The following CHD1 variants were observed in gnomAD, a reference collection of about 807,000 sequenced individuals.
CHD1 encodes the protein chromodomain helicase DNA binding protein 1, also known as ATP-dependent chromatin remodeler CHD1.
Under a neutral mutation model 224.2 loss-of-function variants are expected in CHD1, and 36 were observed. The ratio of observed to expected loss-of-function variants is 0.16; its 90% CI spans 0.12 to 0.21. The LOEUF (loss-of-function observed/expected upper bound fraction) is 0.21, where lower values mean the gene tolerates loss of function less well. Among genes scored for constraint, CHD1 ranks in the 10% least tolerant of loss-of-function variants. The probability of loss-of-function intolerance (pLI) is 1.00; values close to 1 mark genes in which losing one functional copy is unlikely to be tolerated. For missense variants in CHD1, 1,378 were observed against 1,994.8 expected (o/e 0.69, Z 5.89); for synonymous variants, 668 against 658.3 (o/e 1.01, Z -0.23).
At chr5:98,925,544 A>G (rs1413545967) in intron 2 of CHD1, among the ~76,000 whole-genome samples, 1 of 152,216 alleles carries the variant, frequency 6.6e-6, no homozygotes. Context: ...CAGTGCCCAC[A>G]TTCCTAATTT....
At position 98,883,214 on chromosome 5, in the gene CHD1, T is replaced by C; in HGVS notation, c.2592A>G (p.Thr864=). The change falls in exon 19 of 36, where the codon ACA becomes ACG. Residue 864 remains threonine (T), a synonymous_variant. Coordinates refer to ENST00000614616, the MANE Select transcript of CHD1 (RefSeq NM_001270.4). ...GSEDFCFLLS[T]RAGGLGINLA... ...AATTAATCCCTAGACCTCCAGCTCT[T>C]GTGGACAGCAAAAAGCAAAAATCCT... 6.3e-7 allele frequency: 1 copy of C among 1,578,040 alleles called. No individual in the cohort carries two copies. The highest frequency in any genetic ancestry group is 8.5e-7 in the Non-Finnish European group (1 of 1,170,260).
Position 98,926,396 on chromosome 5 carries a change from T to C in CHD1, c.-10A>G. On this transcript the variant is annotated 5_prime_UTR_variant, in exon 2 of 36. Coordinates refer to ENST00000614616, the MANE Select transcript of CHD1 (RefSeq NM_001270.4). Reference sequence around the variant, plus strand: ...CACTGTGTCCATTCATTGTAAATTATTATCAAGAAGTTTTAAAGTAAAATA... The same window carrying C: ...CACTGTGTCCATTCATTGTAAATTACTATCAAGAAGTTTTAAAGTAAAATA... The C allele has an allele frequency of 6.9e-7, 1 of 1,446,616 alleles. No individual in the cohort carries two copies. The highest frequency in any genetic ancestry group is 9.3e-7 in the Non-Finnish European group (1 of 1,073,232). The allele number at this position is 1,446,616 out of a possible 1,614,324, so 89.6% of individuals were successfully genotyped here.
At chr5:98,883,372 T>A (rs1344745998) in intron 18 of CHD1, 135 bp from the exon 19 acceptor site, 7 of 488,966 alleles carry the variant, frequency 1.4e-5, no homozygotes, top group Non-Finnish European at 2.5e-5. Context: ...ACAAAAAGAC[T>A]CCAAAATCAA....
intron 2 of CHD1, among the ~76,000 whole-genome samples, chr5:98,908,210 T>TA (rs553334744): frequency 6.6e-6 from 1 of 152,200 alleles, no homozygotes; most frequent in Non-Finnish European, 1.5e-5. Context: ...AAAAGCCACT[T>TA]ACTCTTTCCA....
intron 31 of CHD1, among the ~76,000 whole-genome samples, 164 bp downstream of exon 31, chr5:98,868,331 G>GAAAAAAAAAAAA (rs58475767): frequency 1.1e-5 from 1 of 91,684 alleles, no homozygotes; most frequent in Non-Finnish European, 2.3e-5. Flanking sequence ...ACTCAAAAAA[G>GAAAAAAAAAAAA]AAAAAAAAAA....
intron 2 of CHD1, among the ~76,000 whole-genome samples, chr5:98,914,530 C>A (rs188488233): frequency 1.4e-3 from 214 of 151,658 alleles, no homozygotes; most frequent in Middle Eastern, 0.01. Context: ...AAAAAAAATA[C>A]CTTATGTGAA....
At chr5:98,882,694 T>G (rs1750282054) in intron 19 of CHD1, among the ~76,000 whole-genome samples, 2 of 152,130 alleles carry the variant, frequency 1.3e-5, no homozygotes, top group African/African-American at 4.8e-5. Context: ...TAAAATGGGG[T>G]CACGTTTACA....
At chr5:98,869,609 C>A in intron 30 of CHD1, 145 bp downstream of exon 30, 3 of 760,564 alleles carry the variant, frequency 3.9e-6, no homozygotes, top group South Asian at 1.8e-5. Context: ...TAAGTGCGTG[C>A]GCACGTGCGC....
intron 20 of CHD1, 117 bp downstream of exon 20, chr5:98,881,858 A>G (rs1409829610): frequency 2.2e-6 from 2 of 900,576 alleles, no homozygotes; most frequent in African/African-American, 3.4e-5. Flanking sequence ...AAGTCTTCCA[A>G]AATATAAAAA....
At position 98,860,230 on chromosome 5, in the gene CHD1, A is replaced by T. The variant is rs775693073; in HGVS notation, c.4428-162T>A. On this transcript the variant is annotated intron_variant, in intron 32 of 35. Transcript: ENST00000614616. ...TAATTTTCCTATGCATTTTTTCAAAACTTCATATATGACTAAGACTCCAGT... is the reference window on the plus strand; with the variant it reads ...TAATTTTCCTATGCATTTTTTCAAATCTTCATATATGACTAAGACTCCAGT... 1.5e-4 allele frequency: 96 copies of T among 625,978 alleles called. No individual in the cohort carries two copies. In the African/African-American group the frequency reaches 1.6e-3, roughly 10 times the overall value. 38.8% of individuals were successfully genotyped at this position (625,978 alleles called of 1,614,324 possible).
intron 5 of CHD1, among the ~76,000 whole-genome samples, chr5:98,902,321 A>G (rs1751773123): frequency 6.6e-6 from 1 of 152,086 alleles, no homozygotes; most frequent in African/African-American, 2.4e-5. Context: ...TTTGGGAAAA[A>G]TAAGTAACAA....
At chr5:98,896,646 G>A (rs555939989) in intron 11 of CHD1, among the ~76,000 whole-genome samples, 1 of 152,188 alleles carries the variant, frequency 6.6e-6, no homozygotes, top group East Asian at 1.9e-4. Flanking sequence ...AAAAGTAAAA[G>A]GAGATGACCG....
chr5:98,865,665 A>C (rs1748806276), intron 31 of CHD1, among the ~76,000 whole-genome samples: 1 of 152,212 alleles, frequency 6.6e-6, no homozygotes, highest in Non-Finnish European at 1.5e-5. Flanking sequence ...TGCCAAATGA[A>C]GCAAATATGT....
chr5:98,906,113 T>G (rs1326283069), intron 2 of CHD1, among the ~76,000 whole-genome samples: 1 of 152,168 alleles, frequency 6.6e-6, no homozygotes, highest in Non-Finnish European at 1.5e-5. Flanking sequence ...AGAGCAAGAA[T>G]TTAGTAATTT....
chr5:98,893,803 C>T (rs1751174522), intron 13 of CHD1, among the ~76,000 whole-genome samples, 197 bp from the exon 14 acceptor site: 1 of 152,026 alleles, frequency 6.6e-6, no homozygotes, highest in African/African-American at 2.4e-5. Context: ...ACAAATTTAA[C>T]CACTAGAATG....
In CHD1 at chr5:98,854,235, ATTT is replaced by A. The variant is rs1747872265; in HGVS notation, c.*2142_*2144del. On this transcript the variant is annotated 3_prime_UTR_variant, in exon 36 of 36. Coordinates refer to ENST00000614616, the MANE Select transcript of CHD1 (RefSeq NM_001270.4). ...TTGATAAATGTACATACAGTTCTAT[ATTT>A]TTCATTCAACTCAGCTAACTAGCTG... 1 of 152,064 alleles carries A rather than the reference ATTT, an allele frequency of 6.6e-6. No individual in the cohort carries two copies. The highest frequency in any genetic ancestry group is 2.4e-5 in the African/African-American group (1 of 41,442). 9.4% of individuals were successfully genotyped at this position (152,064 alleles called of 1,614,324 possible).
At chr5:98,907,941 AG>A (rs2112565372) in intron 2 of CHD1, among the ~76,000 whole-genome samples, 1 of 152,294 alleles carries the variant, frequency 6.6e-6, no homozygotes, top group Non-Finnish European at 1.5e-5. Flanking sequence ...AAAAAAAATT[AG>A]ACTTAAAACT....
At chr5:98,875,151 G>A (rs764789930) in intron 24 of CHD1, 38 bp from the exon 25 acceptor site, 4 of 1,206,822 alleles carry the variant, frequency 3.3e-6, no homozygotes, top group African/African-American at 3.1e-5. Context: ...GTGAGCTTCA[G>A]TATTCACTAA....
At chr5:98,872,711 T>C (rs1482867150) in intron 26 of CHD1, among the ~76,000 whole-genome samples, 156 bp from the exon 27 acceptor site, 2 of 152,256 alleles carry the variant, frequency 1.3e-5, no homozygotes, top group Non-Finnish European at 1.5e-5. Flanking sequence ...CTTCATTACA[T>C]ATGAACAAGT....
Sources: gnomAD v4.1 joint callset for allele counts (sites outside exome capture counted in the v4.1 genomes callset) on GRCh38, gnomAD v4.1.1 for gene constraint, MANE v1.5 for transcripts, NCBI Gene and HGNC (gene_info 2026-07-23, HGNC 2026-07-21) for gene names.